PHF21A: variants seen among roughly 807,000 people sequenced by gnomAD.
PHF21A encodes PHD finger protein 21A.
In PHF21A, 11 loss-of-function variants were observed where a neutral mutation model predicts 82.5. The observed-to-expected ratio is 0.13, with a 90% CI of 0.08 to 0.22. PHF21A has a LOEUF of 0.22. Ranked by LOEUF, PHF21A falls within the 10% of genes least tolerant of loss-of-function variation. The pLI, the probability that PHF21A is intolerant of heterozygous loss-of-function variation, is 1.00. For missense variants in PHF21A, 579 were observed against 837.8 expected (o/e 0.69, Z 3.81); for synonymous variants, 297 against 302.8 (o/e 0.98, Z 0.20).
chr11:46,114,125 A>G lies in PHF21A; in HGVS notation c.-237+6810T>C, dbSNP rs145522756. ...CACACGCACACATCCCCACACACAC[A>G]CGCTTCTACAAAGAACACTTAGAAA... On this transcript the variant is annotated intron_variant, in intron 1 of 18. Coordinates refer to ENST00000676320, the MANE Select transcript of PHF21A (RefSeq NM_001352027.3). Among the ~76,000 whole-genome samples the G allele has an allele frequency of 3.9e-3, 586 of 152,034 alleles. 3 individuals carry two copies. Among genetic ancestry groups the G allele is most frequent in the African/African-American group, 0.014 (566 of 41,440 alleles).
chr11:46,085,143 T>C (rs1356204086), intron 3 of PHF21A, among the ~76,000 whole-genome samples: 2 of 152,164 alleles, frequency 1.3e-5, no homozygotes, highest in Non-Finnish European at 2.9e-5. Flanking sequence ...AACATTTACA[T>C]TTAACAAATT....
chr11:46,004,806 T>C (rs1447057143), intron 6 of PHF21A, among the ~76,000 whole-genome samples: 1 of 152,182 alleles, frequency 6.6e-6, no homozygotes, highest in Non-Finnish European at 1.5e-5. Flanking sequence ...ATACAGTTTA[T>C]GCCTCCTGAA....
chr11:46,056,435 T>C (rs1390732523), intron 6 of PHF21A, among the ~76,000 whole-genome samples: 4 of 152,152 alleles, frequency 2.6e-5, no homozygotes, highest in Non-Finnish European at 5.9e-5. Flanking sequence ...TAAGAACCTG[T>C]AAATCCTGAT....
chr11:45,939,469 G>A (rs912736013), intron 15 of PHF21A, among the ~76,000 whole-genome samples: 16 of 152,114 alleles, frequency 1.1e-4, no homozygotes, highest in African/African-American at 3.4e-4. Context: ...ATTCATATGC[G>A]AGTTCTTTCT....
At chr11:46,017,557 C>A (rs2095540902) in intron 6 of PHF21A, among the ~76,000 whole-genome samples, 1 of 151,018 alleles carries the variant, frequency 6.6e-6, no homozygotes, top group South Asian at 2.1e-4. Context: ...TTATAAGTTA[C>A]AGTTCAGGAT....
At position 45,953,574 on chromosome 11, in the gene PHF21A, T is replaced by C. The variant is rs1191979005; in HGVS notation, c.1048A>G (p.Ile350Val). Residue 350 changes from isoleucine to valine, a missense_variant, in exon 11 of 19, where the codon ATC (isoleucine) becomes GTC (valine). Ile to Val is a conservative substitution (Grantham distance 29). Around this residue, in one of 3 missense-constraint regions of PHF21A, gnomAD observed 410 missense variants for 642.1 expected, o/e 0.64. Transcript: ENST00000676320. ...GGTTTGGGTGCAGCAGGTGGGGTGA[T>C]GGTGCGGCTCTCTGTTTGTTTCTCA... ...TDEKQTESRT[I>V]TPPAAPKPKR... The C allele has an allele frequency of 1.2e-6, 2 of 1,614,028 alleles. No homozygotes were observed. The highest frequency in any genetic ancestry group is 1.7e-6 in the Non-Finnish European group (2 of 1,179,932).
intron 6 of PHF21A, among the ~76,000 whole-genome samples, chr11:45,992,055 A>C (rs574993810): frequency 6.6e-5 from 10 of 152,194 alleles, no homozygotes; most frequent in Non-Finnish European, 1.0e-4. Context: ...CATGATAGGG[A>C]CTGACATCAA....
At chr11:46,106,619 CA>C (rs2097155146) in intron 1 of PHF21A, among the ~76,000 whole-genome samples, 1 of 152,192 alleles carries the variant, frequency 6.6e-6, no homozygotes, top group Non-Finnish European at 1.5e-5. Flanking sequence ...CTTTTTAAGA[CA>C]TCTTCAAAAA....
intron 6 of PHF21A, among the ~76,000 whole-genome samples, chr11:46,074,103 C>T (rs2096691252): frequency 6.7e-6 from 1 of 149,042 alleles, no homozygotes; most frequent in Non-Finnish European, 1.5e-5. Context: ...TGACTATCTG[C>T]AATGGTTTTG....
chr11:45,978,261 A>G (rs987124440), intron 7 of PHF21A, among the ~76,000 whole-genome samples: 1 of 152,200 alleles, frequency 6.6e-6, no homozygotes, highest in Admixed American at 6.5e-5. Flanking sequence ...AGACTGCGCC[A>G]CTGCACTCCA....
intron 1 of PHF21A, among the ~76,000 whole-genome samples, chr11:46,114,829 TCTC>T (rs1213320922): frequency 3.9e-5 from 6 of 152,196 alleles, no homozygotes; most frequent in Non-Finnish European, 7.3e-5. Context: ...TGCTGCTCCT[TCTC>T]CTCAAGTACT....
At chr11:45,999,641 G>A (rs924146953) in intron 6 of PHF21A, among the ~76,000 whole-genome samples, 2 of 152,162 alleles carry the variant, frequency 1.3e-5, no homozygotes, top group Admixed American at 1.3e-4. Flanking sequence ...ATGGATTAGT[G>A]GGTTAGAAGA....
At position 45,933,659 on chromosome 11, in the gene PHF21A, G is replaced by C. The variant is rs947680816; in HGVS notation, c.*309C>G. On this transcript the variant is annotated 3_prime_UTR_variant, in exon 19 of 19. Coordinates refer to ENST00000676320, the MANE Select transcript of PHF21A (RefSeq NM_001352027.3). ...CAAACCCATCGTGGCTGTGGAGGCT[G>C]CTGCAGGCACACACTGGTGTATAAT... 8.5e-6 allele frequency: 2 copies of C among 236,648 alleles called. No homozygotes were observed. The highest frequency in any genetic ancestry group is 1.2e-3 in the Middle Eastern group (1 of 814). The allele number at this position is 236,648 out of a possible 1,614,324, so 14.7% of individuals were successfully genotyped here. A position where few individuals can be genotyped will look rare whatever the true frequency, so the allele number is the denominator to read the frequency against.
intron 6 of PHF21A, among the ~76,000 whole-genome samples, chr11:46,012,801 G>A (rs1056062888): frequency 1.3e-5 from 2 of 152,122 alleles, no homozygotes; most frequent in Admixed American, 6.5e-5. Flanking sequence ...CTCTCTTGCA[G>A]TTTCTCATCT....
intron 6 of PHF21A, among the ~76,000 whole-genome samples, chr11:46,073,401 A>G (rs945513575): frequency 1.3e-5 from 2 of 152,134 alleles, no homozygotes; most frequent in African/African-American, 4.8e-5. Flanking sequence ...GAATGTCATT[A>G]GATTTTTAAA....
rs546768524 is a variant in PHF21A, at chr11:45,937,674, T to A, written c.1608+483A>T. On this transcript the variant is annotated intron_variant, in intron 16 of 18. Transcript: ENST00000676320. ...TTTTATATTTTTAGTAGAGATGGGGTTTCGCCATGTTGGCCAGGCTGGTCT... is the reference window on the plus strand; with the variant it reads ...TTTTATATTTTTAGTAGAGATGGGGATTCGCCATGTTGGCCAGGCTGGTCT... Among the ~76,000 whole-genome samples, 6 of 152,244 alleles carry A rather than the reference T, an allele frequency of 3.9e-5. No individual in the cohort carries two copies. In the East Asian group the frequency reaches 1.2e-3, roughly 29 times the overall value.
intron 10 of PHF21A, among the ~76,000 whole-genome samples, chr11:45,957,705 A>T (rs1286931082): frequency 2.0e-5 from 3 of 149,808 alleles, no homozygotes; most frequent in African/African-American, 7.3e-5. Flanking sequence ...CAAATCAATA[A>T]CCTAACTTTA....
At chr11:46,046,199 A>G (rs1029264042) in intron 6 of PHF21A, among the ~76,000 whole-genome samples, 3 of 152,172 alleles carry the variant, frequency 2.0e-5, no homozygotes, top group African/African-American at 7.2e-5. Flanking sequence ...ATTCACACAC[A>G]TCAGTGAATA....
intron 4 of PHF21A, among the ~76,000 whole-genome samples, chr11:46,083,383 C>T (rs1019599116): frequency 1.3e-5 from 2 of 152,116 alleles, no homozygotes; most frequent in Non-Finnish European, 2.9e-5. Context: ...ATTCTCCCAA[C>T]GATTTCAAAA....
Sources: allele counts gnomAD v4.1 joint callset (sites outside exome capture counted in the v4.1 genomes callset), GRCh38; gene constraint gnomAD v4.1.1; regional missense constraint gnomAD v4.1.1; transcripts MANE v1.5; gene names NCBI Gene and HGNC (gene_info 2026-07-23, HGNC 2026-07-21).